The following STPG2 variants were observed in gnomAD, a reference collection of about 807,000 sequenced individuals.
STPG2 encodes sperm-tail PG-rich repeat-containing protein 2.
A neutral mutation model predicts 54.2 loss-of-function variants in STPG2; 56 were observed. The ratio of observed to expected loss-of-function variants is 1.03; its 90% CI spans 0.83 to 1.29. STPG2 has a LOEUF of 1.29. Among genes scored for constraint, STPG2 ranks in the 50% most tolerant of loss-of-function variants. The pLI is 0.00. For synonymous variants in STPG2, 200 were observed against 181.8 expected (o/e 1.10, Z -0.81); for missense variants, 596 against 544.9 (o/e 1.09, Z -0.93).
intron 10 of STPG2, among the ~76,000 whole-genome samples, chr4:97,624,966 T>A (rs1734103174): frequency 6.6e-6 from 1 of 152,168 alleles, no homozygotes; most frequent in Non-Finnish European, 1.5e-5. Context: ...CCAACAGGAC[T>A]GGTGCCTTTA....
At chr4:97,678,696 A>G (rs941249342) in intron 10 of STPG2, among the ~76,000 whole-genome samples, 1 of 151,778 alleles carries the variant, frequency 6.6e-6, no homozygotes. Context: ...ACATATGTAT[A>G]CATGTGCCAT....
chr4:97,850,467 T>C (rs1387851570), intron 8 of STPG2, among the ~76,000 whole-genome samples: 1 of 151,634 alleles, frequency 6.6e-6, no homozygotes, highest in Non-Finnish European at 1.5e-5. Context: ...TTTTTTTTTG[T>C]TTTGTTTTTA....
chr4:97,958,027 G>A (rs1428942632), intron 7 of STPG2, among the ~76,000 whole-genome samples: 1 of 152,032 alleles, frequency 6.6e-6, no homozygotes, highest in Non-Finnish European at 1.5e-5. Flanking sequence ...AAAAAACAAT[G>A]GCCCAGTGCA....
intron 8 of STPG2, among the ~76,000 whole-genome samples, chr4:97,873,622 T>C (rs1036942911): frequency 4.6e-5 from 7 of 151,564 alleles, no homozygotes; most frequent in Admixed American, 1.3e-4. Flanking sequence ...CAATGTGTCA[T>C]GCCTTTTCTT....
At chr4:97,733,376 G>A (rs1382712376) in intron 9 of STPG2, among the ~76,000 whole-genome samples, 1 of 152,002 alleles carries the variant, frequency 6.6e-6, no homozygotes, top group African/African-American at 2.4e-5. Context: ...CTTACAAGTA[G>A]GAGCTAAGCT....
intron 10 of STPG2, among the ~76,000 whole-genome samples, chr4:97,560,788 C>A (rs1356188341): frequency 6.6e-6 from 1 of 152,090 alleles, no homozygotes; most frequent in Non-Finnish European, 1.5e-5. Context: ...GATGTATTCT[C>A]AGAAGGTGAC....
chr4:97,736,514 C>T lies in STPG2; in HGVS notation c.1205-23700G>A, dbSNP rs138323964. Among the ~76,000 whole-genome samples the T allele has an allele frequency of 4.0e-3, 611 of 152,280 alleles. 2 individuals carry two copies. The highest frequency in any genetic ancestry group is 6.5e-3 in the Non-Finnish European group (441 of 68,024). On this transcript the variant is annotated intron_variant, in intron 9 of 10. Transcript: ENST00000295268. Reference sequence around the variant, plus strand: ...TTGGGTCACTCCCACCCCATTACTGCGCTTTTCCAACGGGCTTAAAAAACG... The same window carrying T: ...TTGGGTCACTCCCACCCCATTACTGTGCTTTTCCAACGGGCTTAAAAAACG...
Position 97,898,208 on chromosome 4 carries a change from G to A in STPG2, c.1044+45689C>T, listed in dbSNP as rs1024849658. 2.6e-5 allele frequency among the ~76,000 whole-genome samples: 4 copies of A among 152,140 alleles called. No homozygotes were observed. The East Asian group carries it at 7.7e-4, about 29-fold the overall frequency. On this transcript the variant is annotated intron_variant, in intron 8 of 10. Coordinates refer to ENST00000295268, the MANE Select transcript of STPG2 (RefSeq NM_174952.3). Reference sequence around the variant, plus strand: ...TTGTCAGCTTTGTCAAAGATCAGATGGTTGTAGGTATCCAGACTTCTTTCT... The same window carrying A: ...TTGTCAGCTTTGTCAAAGATCAGATAGTTGTAGGTATCCAGACTTCTTTCT...
At chr4:97,576,068 C>A (rs1732714749) in intron 10 of STPG2, among the ~76,000 whole-genome samples, 16 of 151,878 alleles carry the variant, frequency 1.1e-4, no homozygotes, top group Admixed American at 1.1e-3. Flanking sequence ...GGTGAAAGAT[C>A]TCTATAAGGA....
intron 10 of STPG2, among the ~76,000 whole-genome samples, chr4:97,578,261 C>T (rs1732773658): frequency 6.6e-6 from 1 of 152,080 alleles, no homozygotes; most frequent in Non-Finnish European, 1.5e-5. Flanking sequence ...TGTGCCACCA[C>T]TCCCAGCTAA....
At chr4:97,978,871 A>G (rs1734578515) in intron 6 of STPG2, among the ~76,000 whole-genome samples, 1 of 152,190 alleles carries the variant, frequency 6.6e-6, no homozygotes, top group Admixed American at 6.5e-5. Context: ...AGAAATATTT[A>G]TGGTAATCCC....
intron 3 of STPG2, among the ~76,000 whole-genome samples, chr4:98,126,036 A>G (rs1739820449): frequency 6.6e-6 from 1 of 152,204 alleles, no homozygotes; most frequent in South Asian, 2.1e-4. Flanking sequence ...AGCCAACTGT[A>G]GCTGCAGAGA....
At chr4:97,901,727 G>A (rs1246461036) in intron 8 of STPG2, among the ~76,000 whole-genome samples, 1 of 151,710 alleles carries the variant, frequency 6.6e-6, no homozygotes, top group African/African-American at 2.4e-5. Flanking sequence ...AATTAATACT[G>A]TCAAAACATT....
chr4:97,793,211 T>A (rs145424139), intron 9 of STPG2, among the ~76,000 whole-genome samples: 7 of 152,072 alleles, frequency 4.6e-5, no homozygotes, highest in Admixed American at 4.6e-4. Context: ...ATTTAATCTG[T>A]TCCATTTTCA....
chr4:97,593,221 G>C (rs72890817), intron 10 of STPG2, among the ~76,000 whole-genome samples: 17,868 of 151,928 alleles, frequency 0.12, 3,187 homozygotes, highest in African/African-American at 0.39. Flanking sequence ...AGCAGCCCCT[G>C]CCGACAGGCA....
chr4:98,137,536 T>C (rs956449414), intron 1 of STPG2, among the ~76,000 whole-genome samples: 3 of 151,854 alleles, frequency 2.0e-5, no homozygotes, highest in Non-Finnish European at 3.0e-5. Flanking sequence ...TCTATGTAAG[T>C]ATTCTATCTC....
chr4:97,784,370 C>G (rs192330146), intron 9 of STPG2, among the ~76,000 whole-genome samples: 1 of 152,000 alleles, frequency 6.6e-6, no homozygotes, highest in African/African-American at 2.4e-5. Context: ...TCTTGATTCA[C>G]TTTCAAATTG....
In STPG2 at chr4:97,778,442, T is replaced by C. The variant is rs1232651718; in HGVS notation, c.1204+62331A>G. On this transcript the variant is annotated intron_variant, in intron 9 of 10. Transcript: ENST00000295268. ...AGGTAAACAGCAGCCAGGAAGCTTG[T>C]ACTGGGTGGAGCCCACCTTAGCTCA... Among the ~76,000 whole-genome samples, 7 of 152,244 alleles carry C rather than the reference T, an allele frequency of 4.6e-5. No homozygotes were observed. In the East Asian group the frequency reaches 1.4e-3, roughly 30 times the overall value.
chr4:97,775,469 A>C (rs1726348207), intron 9 of STPG2, among the ~76,000 whole-genome samples: 1 of 152,182 alleles, frequency 6.6e-6, no homozygotes, highest in South Asian at 2.1e-4. Flanking sequence ...AAACAGAGGC[A>C]ATTATTTATT....
Sources: allele counts gnomAD v4.1 joint callset (sites outside exome capture counted in the v4.1 genomes callset), GRCh38; gene constraint gnomAD v4.1.1; transcripts MANE v1.5; gene names NCBI Gene and HGNC (gene_info 2026-07-23, HGNC 2026-07-21).